The following CLCN6 variants were observed in gnomAD, a reference collection of about 807,000 sequenced individuals.
CLCN6 encodes the protein H(+)/Cl(-) exchange transporter 6.
In CLCN6, 70 loss-of-function variants were observed where a neutral mutation model predicts 109.8. The ratio of observed to expected loss-of-function variants is 0.64; its 90% CI spans 0.53 to 0.78. CLCN6 has a LOEUF of 0.78. Ranked by LOEUF, CLCN6 falls within the 30% of genes least tolerant of loss-of-function variation. The pLI, the probability that CLCN6 is intolerant of heterozygous loss-of-function variation, is 0.00. For synonymous variants in CLCN6, 444 were observed against 447.8 expected (o/e 0.99, Z 0.11); for missense variants, 984 against 1,142.3 (o/e 0.86, Z 2.00).
At chr1:11,822,067 G>T (rs1366601512) in intron 5 of CLCN6, among the ~76,000 whole-genome samples, 2 of 150,344 alleles carry the variant, frequency 1.3e-5, no homozygotes, top group Admixed American at 1.3e-4. Flanking sequence ...GGGGAGAGAG[G>T]AAGGAAAACT....
intron 5 of CLCN6, among the ~76,000 whole-genome samples, 165 bp from the exon 6 acceptor site, chr1:11,822,530 A>G (rs1168844001): frequency 6.6e-6 from 1 of 152,222 alleles, no homozygotes; most frequent in Non-Finnish European, 1.5e-5. Flanking sequence ...GGCATGAGCC[A>G]TTGCACCCAG....
At chr1:11,815,641 T>C (rs1479043994) in intron 2 of CLCN6, among the ~76,000 whole-genome samples, 1 of 152,222 alleles carries the variant, frequency 6.6e-6, no homozygotes, top group East Asian at 1.9e-4. Context: ...GTGATCCACC[T>C]GCCTTGACCT....
intron 8 of CLCN6, among the ~76,000 whole-genome samples, chr1:11,825,679 A>T (rs528115115): frequency 4.6e-5 from 7 of 152,066 alleles, no homozygotes; most frequent in Non-Finnish European, 8.8e-5. Context: ...CTGGAGTGCG[A>T]TGGTGCCATC....
At chr1:11,823,899 A>T in intron 7 of CLCN6, 66 bp downstream of exon 7, 1 of 1,592,574 alleles carries the variant, frequency 6.3e-7, no homozygotes, top group Admixed American at 1.7e-5. Context: ...AGCATGATGT[A>T]TTTCAGTTAT....
chr1:11,830,737 TTATATATA>T lies in CLCN6; in HGVS notation c.1248+1436_1248+1443del, dbSNP rs369772847. ...CAGTGTCCCCAGTTATATGTATATA[TTATATATA>T]TATATATATATATATATATACACAC... On this transcript the variant is annotated intron_variant, in intron 13 of 22. Transcript: ENST00000346436. Among the ~76,000 whole-genome samples the T allele has an allele frequency of 6.9e-3, 631 of 91,116 alleles. 15 individuals are homozygous for T. Among genetic ancestry groups the T allele is most frequent in the African/African-American group, 0.024 (601 of 25,102 alleles). 59.8% of individuals were successfully genotyped at this position (91,116 alleles called of 152,430 possible). A position where few individuals can be genotyped will look rare whatever the true frequency, so the allele number is the denominator to read the frequency against.
At chr1:11,833,770 T>C in intron 14 of CLCN6, 107 bp from the exon 15 acceptor site, 1 of 1,560,110 alleles carries the variant, frequency 6.4e-7, no homozygotes, top group Non-Finnish European at 8.7e-7. Flanking sequence ...GGTTTCTGCC[T>C]CCTGTGTTGG....
chr1:11,827,254 C>T, intron 10 of CLCN6, 33 bp downstream of exon 10: 1 of 1,595,096 alleles, frequency 6.3e-7, no homozygotes, highest in Non-Finnish European at 8.6e-7. Context: ...GCATTAACCA[C>T]ACCCCCCGAA....
intron 13 of CLCN6, among the ~76,000 whole-genome samples, chr1:11,830,765 ACACACACACAC>A (rs1644871877): frequency 1.5e-5 from 2 of 133,202 alleles, no homozygotes; most frequent in Admixed American, 7.2e-5. Flanking sequence ...ATATATATAT[ACACACACACAC>A]TATATATACA....
In CLCN6 at chr1:11,837,376, G is replaced by A; in HGVS notation, c.2172G>A (p.Gln724=). 6.2e-7 allele frequency: 1 copy of A among 1,613,960 alleles called. No individual in the cohort carries two copies. The highest frequency in any genetic ancestry group is 8.5e-7 in the Non-Finnish European group (1 of 1,179,832). The change falls in exon 20 of 23, where the codon CAG becomes CAA. Residue 724 remains glutamine (Q), a synonymous_variant. Transcript: ENST00000346436. ...CCTACCCCAACCTATACCCTGACCA[G>A]TCCCCAAGTGAAGACTGGACCATGG... The part of the protein sequence containing the change: ...YTPYPNLYPD[Q]SPSEDWTMEE...
chr1:11,835,521 G>A (rs1644932693), intron 17 of CLCN6, among the ~76,000 whole-genome samples: 1 of 152,128 alleles, frequency 6.6e-6, no homozygotes, highest in Admixed American at 6.5e-5. Flanking sequence ...GCAATCTGCT[G>A]GCCTCGGCCT....
chr1:11,809,514 A>G (rs189557593), intron 2 of CLCN6, among the ~76,000 whole-genome samples: 263 of 152,246 alleles, frequency 1.7e-3, no homozygotes, highest in African/African-American at 5.5e-3. Context: ...ATGCAGTGGT[A>G]CGGTCTTGGA....
rs370963428 is a variant in CLCN6, at chr1:11,826,114, T to C, written c.649-42T>C. 6 of 1,450,064 alleles carry C rather than the reference T, an allele frequency of 4.1e-6. No individual in the cohort carries two copies. The African/African-American group carries it at 8.5e-5, about 20-fold the overall frequency. 89.8% of individuals were successfully genotyped at this position (1,450,064 alleles called of 1,614,324 possible). On this transcript the variant is annotated intron_variant, in intron 8 of 22. Coordinates refer to ENST00000346436, the MANE Select transcript of CLCN6 (RefSeq NM_001286.5). ...CTGGGGTACAGGTAGTATTTGGTTATATGAGTAGGCTCTTTAGTGGCTCTC... is the reference window on the plus strand; with the variant it reads ...CTGGGGTACAGGTAGTATTTGGTTACATGAGTAGGCTCTTTAGTGGCTCTC...
chr1:11,828,285 A>T, intron 11 of CLCN6, 66 bp downstream of exon 11: 4 of 1,496,862 alleles, frequency 2.7e-6, no homozygotes, highest in East Asian at 4.5e-5. Flanking sequence ...CAAGTGAAGG[A>T]CCAGAGAGAA....
Position 11,834,073 on chromosome 1 carries a change from T to C in CLCN6, c.1526+43T>C. 1 of 1,606,156 alleles carries C rather than the reference T, an allele frequency of 6.2e-7. No individual in the cohort carries two copies. The highest frequency in any genetic ancestry group is 1.1e-5 in the South Asian group (1 of 90,408). On this transcript the variant is annotated intron_variant, in intron 15 of 22. Transcript: ENST00000346436. This position sits in a 1 kb window ranked among gnomAD's most constrained non-coding sequence, Gnocchi z 4.5. ...GTGTGTGTGCGCATGTGCATGTGTG[T>C]GCACGTGTGCGTGTGTATGCATGTG...
rs1408759946 is a variant in CLCN6 at position 11,840,540 on chromosome 1, C to A, written c.*317C>A. On this transcript the variant is annotated 3_prime_UTR_variant, in exon 23 of 23. Transcript: ENST00000346436. ...AGCAGAGGTAGAATCAGGCGGGCCC[C>A]GGGCTGCACTCCGAGCAGTGTTCCT... 2 of 457,300 alleles carry A rather than the reference C, an allele frequency of 4.4e-6. No individual in the cohort carries two copies. Among genetic ancestry groups the A allele is most frequent in the Non-Finnish European group, 4.1e-6 (1 of 246,502 alleles). 28.3% of individuals were successfully genotyped at this position (457,300 alleles called of 1,614,324 possible).
rs923690052 is a variant in CLCN6 at position 11,841,236 on chromosome 1, A to T, written c.*1013A>T. The T allele has an allele frequency of 1.3e-5, 2 of 152,638 alleles. No individual in the cohort carries two copies. The highest frequency in any genetic ancestry group is 3.9e-4 in the East Asian group (2 of 5,194). 9.5% of individuals were successfully genotyped at this position (152,638 alleles called of 1,614,324 possible). On this transcript the variant is annotated 3_prime_UTR_variant, in exon 23 of 23. Coordinates refer to ENST00000346436, the MANE Select transcript of CLCN6 (RefSeq NM_001286.5). The stretch of plus-strand genomic sequence containing the variant: ...TGTGCTATGATAAAGCAGATGGCCT[A>T]TTTGAGGAAGAGGGTGTCTGCCCTT...
intron 5 of CLCN6, among the ~76,000 whole-genome samples, chr1:11,821,099 AC>A (rs1363648961): frequency 1.2e-4 from 18 of 151,506 alleles, no homozygotes; most frequent in Admixed American, 2.0e-4. Flanking sequence ...AAAAAAAAAA[AC>A]AAACAAAATC....
chr1:11,814,097 A>C (rs17037432), intron 2 of CLCN6, among the ~76,000 whole-genome samples: 14,983 of 152,084 alleles, frequency 0.099, 772 homozygotes, highest in South Asian at 0.16. Context: ...ATAAATTGTC[A>C]CTCATCACAT....
chr1:11,811,657 C>T (rs140586031), intron 2 of CLCN6, among the ~76,000 whole-genome samples: 15,046 of 152,148 alleles, frequency 0.099, 800 homozygotes, highest in South Asian at 0.16. Flanking sequence ...GCTGGGATTA[C>T]AGACGTGAGC....
Sources: gnomAD v4.1 joint callset for allele counts (sites outside exome capture counted in the v4.1 genomes callset) on GRCh38, gnomAD v4.1.1 for gene constraint, Gnocchi (gnomAD v3.1) non-coding constraint, MANE v1.5 for transcripts, NCBI Gene and HGNC (gene_info 2026-07-23, HGNC 2026-07-21) for gene names.